The following PCTP variants were observed in gnomAD, a reference collection of about 807,000 sequenced individuals.
PCTP encodes START domain-containing protein 2.
PCTP carries 27 observed loss-of-function variants against 31.0 expected under a neutral mutation model. The observed-to-expected ratio is 0.87, with a 90% confidence interval of 0.64 to 1.20. The LOEUF is 1.20. PCTP is among the 50% of genes most tolerant of loss of function. PCTP has a pLI of 0.00. For missense variants in PCTP, 287 were observed against 268.2 expected (o/e 1.07, Z -0.49); for synonymous variants, 108 against 101.2 (o/e 1.07, Z -0.40).
In PCTP at chr17:55,805,891, T is replaced by A. The variant is rs558369103; in HGVS notation, c.318-16870T>A. Among the ~76,000 whole-genome samples the A allele has an allele frequency of 7.3e-5, 11 of 150,510 alleles. No individual in the cohort carries two copies. In the East Asian group the frequency reaches 1.6e-3, roughly 21 times the overall value. On this transcript the variant is annotated intron_variant, in intron 3 of 3. Transcript: ENST00000572536. ...GTCTCTCTCTCTCAATCTGTATGTG[T>A]GTGTGTGTGTGTGTGTGTGTGTGTG...
chr17:55,849,321 C>T, the PCTP span, among the ~76,000 whole-genome samples: 27,105 of 152,126 alleles, frequency 0.18, 2,813 homozygotes, highest in East Asian at 0.38. Flanking sequence ...TTCTACCAAA[C>T]ATTTAAAAAA....
intron 1 of PCTP, among the ~76,000 whole-genome samples, chr17:55,763,482 C>T (rs1910455363): frequency 1.3e-5 from 2 of 151,144 alleles, no homozygotes; most frequent in Admixed American, 6.6e-5. Flanking sequence ...TTATTCTATA[C>T]AAACATAAAT....
chr17:55,771,032 C>A (rs548514448), intron 2 of PCTP, 74 bp from the exon 3 acceptor site: 2 of 1,169,614 alleles, frequency 1.7e-6, no homozygotes, highest in African/African-American at 3.0e-5. Context: ...CATGCTTGGC[C>A]TAAGAGGTCA....
intron 3 of PCTP, among the ~76,000 whole-genome samples, chr17:55,820,349 A>G (rs953296318): frequency 7.2e-5 from 11 of 152,194 alleles, no homozygotes; most frequent in African/African-American, 2.2e-4. Context: ...TCTATTTCTC[A>G]TAGTTCTGGA....
intron 3 of PCTP, among the ~76,000 whole-genome samples, chr17:55,821,359 T>C (rs1913109700): frequency 6.6e-6 from 1 of 152,122 alleles, no homozygotes; most frequent in Non-Finnish European, 1.5e-5. Context: ...AGCAGTTGCT[T>C]GGGATTAAGA....
intron 3 of PCTP, among the ~76,000 whole-genome samples, chr17:55,797,599 T>G (rs1245835383): frequency 6.6e-6 from 1 of 152,034 alleles, no homozygotes; most frequent in African/African-American, 2.4e-5. Flanking sequence ...ACTTGCCTCA[T>G]GTTAGTCCTG....
intron 3 of PCTP, among the ~76,000 whole-genome samples, chr17:55,793,099 G>A (rs1426169285): frequency 1.3e-5 from 2 of 152,046 alleles, no homozygotes; most frequent in Middle Eastern, 3.2e-3. Flanking sequence ...TCTGAAAAAG[G>A]CTGAGTAGAT....
intron 2 of PCTP, among the ~76,000 whole-genome samples, chr17:55,767,896 C>T (rs1326807402): frequency 6.7e-6 from 1 of 150,054 alleles, no homozygotes; most frequent in Non-Finnish European, 1.5e-5. Context: ...AGTTTGAGAC[C>T]AGCCTGGCCA....
intron 5 of PCTP, among the ~76,000 whole-genome samples, chr17:55,836,647 T>C (rs1220106230): frequency 6.6e-6 from 1 of 152,224 alleles, no homozygotes; most frequent in African/African-American, 2.4e-5. Context: ...CTATCAAGTA[T>C]GTTTTTGAAT....
chr17:55,845,595 T>G (rs974338739), downstream of PCTP, among the ~76,000 whole-genome samples: 3 of 152,208 alleles, frequency 2.0e-5, no homozygotes, highest in African/African-American at 7.2e-5. Context: ...TTTGGGATTT[T>G]GGGTTTCCCC....
rs1911343965 is a variant in PCTP, at chr17:55,776,599, T to C, written c.*499T>C. The C allele has an allele frequency of 8.1e-7, 1 of 1,231,236 alleles. No homozygotes were observed. 76.3% of individuals were successfully genotyped at this position (1,231,236 alleles called of 1,614,324 possible). On this transcript the variant is annotated 3_prime_UTR_variant, in exon 6 of 6. Coordinates refer to ENST00000268896, the MANE Select transcript of PCTP (RefSeq NM_021213.4). ...CATTTCGTTCAGAGCTGACTTTCAGTGCACCCAAACTGGATGACGTGCCAA... is the reference window on the plus strand; with the variant it reads ...CATTTCGTTCAGAGCTGACTTTCAGCGCACCCAAACTGGATGACGTGCCAA...
chr17:55,759,157 T>C (rs2144919068), intron 1 of PCTP, among the ~76,000 whole-genome samples: 1 of 152,354 alleles, frequency 6.6e-6, no homozygotes, highest in East Asian at 1.9e-4. Flanking sequence ...ATGTGCCTTT[T>C]CTGGACATTT....
chr17:55,776,466 G>T lies in PCTP; in HGVS notation c.*366G>T. On this transcript the variant is annotated 3_prime_UTR_variant, in exon 6 of 6. Transcript: ENST00000268896. ...TCATTCCATTGTGCAATTTTACGGGGATGGGTGGGCGGAGGGACACAACAA... is the reference window on the plus strand; with the variant it reads ...TCATTCCATTGTGCAATTTTACGGGTATGGGTGGGCGGAGGGACACAACAA... The T allele has an allele frequency of 8.1e-7, 1 of 1,232,274 alleles. No homozygotes were observed. Among genetic ancestry groups the T allele is most frequent in the Non-Finnish European group, 1.0e-6 (1 of 988,354 alleles). 76.3% of individuals were successfully genotyped at this position (1,232,274 alleles called of 1,614,324 possible). A position where few individuals can be genotyped will look rare whatever the true frequency, so the allele number is the denominator to read the frequency against.
At position 55,838,188 on chromosome 17, in the gene PCTP, G is replaced by A. The variant is rs142754379; in HGVS notation, n.506-4539G>A. On this transcript the variant is annotated intron_variant and non_coding_transcript_variant, in intron 5 of 5. Transcript: ENST00000576221. ...GCAAACTTAATCATATTTCAATCCT[G>A]TTTAACATCTTGTAACAACTTTCTT... Among the ~76,000 whole-genome samples the A allele has an allele frequency of 9.0e-3, 1,360 of 151,774 alleles. 9 individuals carry two copies. Among genetic ancestry groups the A allele is most frequent in the Middle Eastern group, 0.02 (6 of 294 alleles).
At chr17:55,822,774 C>A in exon 4 of PCTP, 1 of 1,231,236 alleles carries the variant, frequency 8.1e-7, no homozygotes, top group South Asian at 4.1e-5. Context: ...CAGAGCAGAA[C>A]CAAGCGGGAA....
intron 1 of PCTP, among the ~76,000 whole-genome samples, chr17:55,765,455 C>G (rs549678191): frequency 6.6e-6 from 1 of 152,264 alleles, no homozygotes; most frequent in South Asian, 2.1e-4. Context: ...TCTTTGCTTT[C>G]CCTTTCCCCA....
intron 3 of PCTP, among the ~76,000 whole-genome samples, chr17:55,811,655 C>T (rs753207115): frequency 9.8e-5 from 15 of 152,336 alleles, no homozygotes; most frequent in Non-Finnish European, 2.1e-4. Context: ...AGCTTCACTT[C>T]CACAGTCCAG....
chr17:55,851,198 G>A, the PCTP span, among the ~76,000 whole-genome samples: 1 of 152,202 alleles, frequency 6.6e-6, no homozygotes, highest in African/African-American at 2.4e-5. Context: ...TATGTGTAGA[G>A]TGATGAAAGT....
chr17:55,819,346 G>T (rs1326043664), intron 3 of PCTP, among the ~76,000 whole-genome samples: 1 of 152,078 alleles, frequency 6.6e-6, no homozygotes, highest in Non-Finnish European at 1.5e-5. Context: ...ATTAAGATTG[G>T]AAAGGAAAAA....
Sources: gnomAD v4.1 joint callset for allele counts (sites outside exome capture counted in the v4.1 genomes callset) on GRCh38, gnomAD v4.1.1 for gene constraint, MANE v1.5 for transcripts, NCBI Gene and HGNC (gene_info 2026-07-23, HGNC 2026-07-21) for gene names.